Variants in ZNF292 observed in about 807,000 individuals in gnomAD.
ZNF292 encodes 16 zinc-finger domain protein.
A neutral mutation model predicts 217.9 loss-of-function variants in ZNF292; 26 were observed. The ratio of observed to expected loss-of-function variants is 0.12; its 90% confidence interval spans 0.09 to 0.17. The LOEUF (loss-of-function observed/expected upper bound fraction) is 0.17, where lower values mean the gene tolerates loss of function less well. ZNF292 is among the 10% of genes least tolerant of loss of function. ZNF292 has a pLI of 1.00. For missense variants in ZNF292, 2,904 were observed against 3,175.2 expected (o/e 0.91, Z 2.05); for synonymous variants, 1,257 against 1,124.1 (o/e 1.12, Z -2.37).
At chr6:87,212,386 T>C (rs1206473768) in intron 1 of ZNF292, among the ~76,000 whole-genome samples, 2 of 152,174 alleles carry the variant, frequency 1.3e-5, no homozygotes, top group Non-Finnish European at 2.9e-5. Context: ...TCTGCCCCTT[T>C]ACCTCCTGCA....
intron 1 of ZNF292, among the ~76,000 whole-genome samples, chr6:87,213,184 A>C (rs960420044): frequency 6.6e-6 from 1 of 152,190 alleles, no homozygotes; most frequent in Non-Finnish European, 1.5e-5. Context: ...GTGGTTTGTG[A>C]CAAAAGTCTG....
intron 7 of ZNF292, among the ~76,000 whole-genome samples, chr6:87,249,151 G>A (rs1774762261): frequency 1.3e-5 from 2 of 152,078 alleles, no homozygotes; most frequent in Non-Finnish European, 2.9e-5. Flanking sequence ...GTTTTTGAGA[G>A]AGTCTTCCTC....
chr6:87,242,127 TCTTTA>T (rs932727313), intron 5 of ZNF292, among the ~76,000 whole-genome samples: 7 of 152,336 alleles, frequency 4.6e-5, no homozygotes, highest in Non-Finnish European at 5.9e-5. Context: ...TATTTTTAAA[TCTTTA>T]CTTTATAAAT....
At chr6:87,208,030 A>G (rs1772317621) in intron 1 of ZNF292, among the ~76,000 whole-genome samples, 3 of 152,156 alleles carry the variant, frequency 2.0e-5, no homozygotes, top group Non-Finnish European at 4.4e-5. Flanking sequence ...ATTTTAGACC[A>G]CGTATGTCCG....
In ZNF292 at chr6:87,258,537, T is replaced by C. The variant is rs1000758744; in HGVS notation, c.4908T>C (p.Pro1636=). The C allele has an allele frequency of 6.2e-7, 1 of 1,613,526 alleles. No individual in the cohort carries two copies. Among genetic ancestry groups the C allele is most frequent in the African/African-American group, 1.3e-5 (1 of 74,876 alleles). ...CTAAGAGAAGAAAGAAAGTTGCTCC[T>C]CCACTAATTGCACCTAACGCTTCCC... The part of the protein sequence containing the change: ...SASKRRKKVA[P]PLIAPNASQN... The change falls in exon 8 of 8, where the codon CCT becomes CCC. Residue 1636 remains proline (P), a synonymous_variant. Coordinates refer to ENST00000369577, the MANE Select transcript of ZNF292 (RefSeq NM_015021.3).
At chr6:87,200,200 T>C (rs1439957143) in intron 1 of ZNF292, among the ~76,000 whole-genome samples, 2 of 152,234 alleles carry the variant, frequency 1.3e-5, no homozygotes, top group Non-Finnish European at 2.9e-5. Flanking sequence ...AAGTCTTCAC[T>C]TCAGATTTGA....
Position 87,262,988 on chromosome 6 carries a change from T to G in ZNF292, c.*1187T>G, listed in dbSNP as rs189158094. On this transcript the variant is annotated 3_prime_UTR_variant, in exon 8 of 8. Coordinates refer to ENST00000369577, the MANE Select transcript of ZNF292 (RefSeq NM_015021.3). ...CTATAAGGAAGTTGGATGTTTTGAT[T>G]TTACTGTTTATAGATGTTAGATTGT... The G allele has an allele frequency of 6.6e-6, 1 of 152,194 alleles. No homozygotes were observed. The highest frequency in any genetic ancestry group is 6.5e-5 in the Admixed American group (1 of 15,286). The allele number at this position is 152,194 out of a possible 1,614,324, so 9.4% of individuals were successfully genotyped here. A position where few individuals can be genotyped will look rare whatever the true frequency, so the allele number is the denominator to read the frequency against.
intron 1 of ZNF292, among the ~76,000 whole-genome samples, chr6:87,203,597 A>T (rs771522657): frequency 6.6e-6 from 1 of 151,168 alleles, no homozygotes; most frequent in Non-Finnish European, 1.5e-5. Context: ...TGTATCTGCA[A>T]GGGGGGGTGG....
intron 1 of ZNF292, among the ~76,000 whole-genome samples, chr6:87,183,345 T>G (rs1055083807): frequency 6.6e-6 from 1 of 152,152 alleles, no homozygotes; most frequent in African/African-American, 2.4e-5. Context: ...TTTTTTTTCT[T>G]ACAGGCTGGC....
At chr6:87,158,506 A>G (rs887688250) in intron 1 of ZNF292, among the ~76,000 whole-genome samples, 3 of 152,042 alleles carry the variant, frequency 2.0e-5, no homozygotes, top group Non-Finnish European at 4.4e-5. Flanking sequence ...AATACAAAAA[A>G]CAAAACAAAT....
At chr6:87,238,725 G>A (rs548844541) in intron 5 of ZNF292, among the ~76,000 whole-genome samples, 6 of 147,294 alleles carry the variant, frequency 4.1e-5, no homozygotes, top group South Asian at 2.1e-4. Context: ...GGTGTTTCTC[G>A]CAGAGGGGCA....
intron 1 of ZNF292, among the ~76,000 whole-genome samples, chr6:87,188,746 C>T (rs1771736019): frequency 6.9e-6 from 1 of 144,030 alleles, no homozygotes; most frequent in Non-Finnish European, 1.5e-5. Flanking sequence ...GTTTAATTCA[C>T]TGTTGTTTTG....
At position 87,256,877 on chromosome 6, in the gene ZNF292, C is replaced by T. The variant is rs749761297; in HGVS notation, c.3248C>T (p.Ser1083Leu). 1 of 1,613,814 alleles carries T rather than the reference C, an allele frequency of 6.2e-7. No homozygotes were observed. Among genetic ancestry groups the T allele is most frequent in the South Asian group, 1.1e-5 (1 of 91,064 alleles). The change falls in exon 8 of 8, where the codon TCA becomes TTA. Residue 1083 changes from serine to leucine, a missense_variant. Ser to Leu is a moderately radical substitution (Grantham distance 145, BLOSUM62 -2). Coordinates refer to ENST00000369577, the MANE Select transcript of ZNF292 (RefSeq NM_015021.3). ...CCACCGCAGTCCGACCTAAGTAATT[C>T]ATTAGGAACTCCATCAGTGCCTCCA... is the stretch of plus-strand genomic sequence containing the variant. ...FVPPQSDLSNSLGTPSVPPKA... is the reference protein window; with the variant it reads ...FVPPQSDLSNLLGTPSVPPKA...
rs747188558 is a variant in ZNF292, at chr6:87,261,093, T to G, written c.7464T>G (p.Phe2488Leu). 2.5e-6 allele frequency: 4 copies of G among 1,610,668 alleles called. No homozygotes were observed. Among genetic ancestry groups the G allele is most frequent in the Non-Finnish European group, 3.4e-6 (4 of 1,178,558 alleles). ...KDEMDELTEL[F>L]ITKLINEDST... ...AAATGGATGAACTAACAGAATTGTT[T>G]ATTACAAAATTAATAAATGAAGATA... Residue 2488 changes from phenylalanine to leucine, a missense_variant, in exon 8 of 8, where the codon TTT becomes TTG. By Grantham distance (22) the Phe-to-Leu change is conservative. Transcript: ENST00000369577.
rs1168607695 is a variant in ZNF292 at position 87,256,434 on chromosome 6, A to G, written c.2805A>G (p.Val935=). 2 of 1,607,366 alleles carry G rather than the reference A, an allele frequency of 1.2e-6. No individual in the cohort carries two copies. The highest frequency in any genetic ancestry group is 2.2e-5 in the East Asian group (1 of 44,880). The change falls in exon 8 of 8, where the codon GTA becomes GTG. Residue 935 remains valine, a synonymous_variant. Transcript: ENST00000369577. The stretch of plus-strand genomic sequence containing the variant: ...CTCCTCTACTTCAATCCAGTGAAGT[A>G]GCTGTGTCCATTAAGGTGTCTCTCA... ...ATTPLLQSSE[V]AVSIKVSLNQ... is the part of the protein sequence containing the mutation.
rs1177972561 is a variant in ZNF292, at chr6:87,265,312, T to G, written c.*3511T>G. Among the ~76,000 whole-genome samples the G allele has an allele frequency of 6.6e-6, 1 of 152,078 alleles. No individual in the cohort carries two copies. The highest frequency in any genetic ancestry group is 1.5e-5 in the Non-Finnish European group (1 of 67,988). On this transcript the variant is annotated 3_prime_UTR_variant, in exon 8 of 8. Transcript: ENST00000369577. ...TAGTTTTGGCACAATCTCAGCTCAGTGCAACTTCCATCTCCCAGGTTCAAG... is the reference window on the plus strand; with the variant it reads ...TAGTTTTGGCACAATCTCAGCTCAGGGCAACTTCCATCTCCCAGGTTCAAG...
At chr6:87,253,354 A>AG (rs1775036753) in intron 7 of ZNF292, among the ~76,000 whole-genome samples, 3 of 150,668 alleles carry the variant, frequency 2.0e-5, no homozygotes, top group Non-Finnish European at 4.4e-5. Context: ...TCAGCCCCAC[A>AG]GGTAGCTGGG....
intron 1 of ZNF292, among the ~76,000 whole-genome samples, chr6:87,193,084 G>T (rs1195569963): frequency 6.6e-6 from 1 of 152,182 alleles, no homozygotes; most frequent in South Asian, 2.1e-4. Context: ...CCACCTTTGG[G>T]CTCAAGCAGT....
chr6:87,245,488 C>CTTT lies in ZNF292; in HGVS notation c.879-6_879-4dup. The CTTT allele has an allele frequency of 9.0e-7, 1 of 1,115,470 alleles. No individual in the cohort carries two copies. Among genetic ancestry groups the CTTT allele is most frequent in the East Asian group, 3.4e-5 (1 of 29,404 alleles). The allele number at this position is 1,115,470 out of a possible 1,614,324, so 69.1% of individuals were successfully genotyped here. A position where few individuals can be genotyped will look rare whatever the true frequency, so the allele number is the denominator to read the frequency against. On this transcript the variant is annotated splice_polypyrimidine_tract_variant and intron_variant, in intron 6 of 7. Coordinates refer to ENST00000369577, the MANE Select transcript of ZNF292 (RefSeq NM_015021.3). ...ACTGCTCCAACTTTTCTTATTATAA[C>CTTT]TTTTTTTTTTTAAGGGAACTTACTC...
Sources: gnomAD v4.1 joint callset for allele counts (sites outside exome capture counted in the v4.1 genomes callset) on GRCh38, gnomAD v4.1.1 for gene constraint, MANE v1.5 for transcripts, NCBI Gene and HGNC (gene_info 2026-07-23, HGNC 2026-07-21) for gene names.